UBE2V1: variants seen among roughly 807,000 people sequenced by gnomAD.
The protein encoded by UBE2V1 is ubiquitin-conjugating enzyme E2 variant 1.
Under a neutral mutation model 19.6 loss-of-function variants are expected in UBE2V1, and 15 were observed. The observed-to-expected ratio is 0.77, with a 90% CI of 0.51 to 1.18. The LOEUF (loss-of-function observed/expected upper bound fraction) is 1.18. UBE2V1 is among the 50% of genes most tolerant of loss of function. The pLI is 0.00. For missense variants in UBE2V1, 125 were observed against 184.8 expected, an observed-to-expected ratio of 0.68 and a Z score of 1.88; for synonymous variants, 60 against 60.7, an observed-to-expected ratio of 0.99 and a Z score of 0.05.
At chr20:50,109,865 AG>A (rs1348506827) in intron 1 of UBE2V1, among the ~76,000 whole-genome samples, 1 of 151,912 alleles carries the variant, frequency 6.6e-6, no homozygotes, top group African/African-American at 2.4e-5. Flanking sequence ...CTTTGAATGT[AG>A]GGCCCATGTT....
intron 1 of UBE2V1, among the ~76,000 whole-genome samples, chr20:50,106,215 T>C (rs948718555): frequency 6.6e-6 from 1 of 152,246 alleles, no homozygotes; most frequent in Non-Finnish European, 1.5e-5. Context: ...CAGAAGGCTT[T>C]TTCCTGGACC....
chr20:50,113,243 C>A, upstream of UBE2V1: 1 of 803,442 alleles, frequency 1.2e-6, no homozygotes, highest in Non-Finnish European at 1.7e-6. Flanking sequence ...ACGCCCGCCC[C>A]GGAGACCTGC....
intron 1 of UBE2V1, among the ~76,000 whole-genome samples, chr20:50,105,724 G>A (rs1453921489): frequency 6.6e-6 from 1 of 152,172 alleles, no homozygotes; most frequent in African/African-American, 2.4e-5. Context: ...CGAGGTGGGA[G>A]TTTGAGACCA....
chr20:50,107,516 G>A (rs1170780863), intron 1 of UBE2V1, among the ~76,000 whole-genome samples: 1 of 152,196 alleles, frequency 6.6e-6, no homozygotes, highest in African/African-American at 2.4e-5. Context: ...AATGAGTCAG[G>A]ACAACTGGAG....
At position 50,113,044 on chromosome 20, in the gene UBE2V1, G is replaced by A. The variant is rs113250745; in HGVS notation, c.22+63C>T. 19 of 728,206 alleles carry A rather than the reference G, an allele frequency of 2.6e-5. 1 individual carries two copies. Among genetic ancestry groups the A allele is most frequent in the African/African-American group, 2.0e-4 (11 of 54,418 alleles). The allele number at this position is 728,206 out of a possible 1,614,324, so 45.1% of individuals were successfully genotyped here. A position where few individuals can be genotyped will look rare whatever the true frequency, so the allele number is the denominator to read the frequency against. ...GGCTCCGCTGCAGGAGGCTTTGAGG[G>A]TCCCCGGCCCCCGGCCCAAGCCCAT... On this transcript the variant is annotated intron_variant, in intron 1 of 3. Transcript: ENST00000371674.
At chr20:50,104,051 A>G (rs2080183806) in intron 1 of UBE2V1, among the ~76,000 whole-genome samples, 1 of 151,686 alleles carries the variant, frequency 6.6e-6, no homozygotes. Flanking sequence ...TGGAAGGCTG[A>G]GACAGGCGGA....
chr20:50,104,873 C>A (rs1343988149), intron 1 of UBE2V1, among the ~76,000 whole-genome samples: 1 of 151,328 alleles, frequency 6.6e-6, no homozygotes, highest in East Asian at 2.0e-4. Context: ...ATTACAGGCA[C>A]GCGCCACGAC....
At chr20:50,115,069 A>C (rs904311078), upstream of UBE2V1, 1 of 155,734 alleles carries the variant, frequency 6.4e-6, no homozygotes, top group Non-Finnish European at 1.4e-5. Context: ...CAGTCTCAAA[A>C]AAAAAAAAAA....
rs368141343 is a variant in UBE2V1 at position 50,082,725 on chromosome 20, C to A, written c.*43G>T. 1.6e-5 allele frequency: 25 copies of A among 1,593,410 alleles called. No homozygotes were observed. The highest frequency in any genetic ancestry group is 2.0e-5 in the Non-Finnish European group (24 of 1,175,916). On this transcript the variant is annotated 3_prime_UTR_variant, in exon 4 of 4. Transcript: ENST00000371674. ...TGTGGAAAATGAAGACTGATTAAATCGAATTGGGGGGAAGGGGAAGGGCCT... is the reference window on the plus strand; with the variant it reads ...TGTGGAAAATGAAGACTGATTAAATAGAATTGGGGGGAAGGGGAAGGGCCT...
intron 1 of UBE2V1, among the ~76,000 whole-genome samples, chr20:50,106,865 CAACAACAACAA>C (rs1398435012): frequency 3.4e-5 from 3 of 88,432 alleles, no homozygotes; most frequent in East Asian, 3.0e-4. Flanking sequence ...ACAACAACAA[CAACAACAACAA>C]AAAAAAAAAA....
chr20:50,096,423 CCTCA>C, intron 2 of UBE2V1: 1 of 880,634 alleles, frequency 1.1e-6, no homozygotes, highest in South Asian at 1.6e-5. Flanking sequence ...TGACTTCACA[CCTCA>C]CTGTCTACAT....
At chr20:50,094,912 C>T (rs964472693) in intron 2 of UBE2V1, 3 of 152,196 alleles carry the variant, frequency 2.0e-5, no homozygotes, top group Non-Finnish European at 4.4e-5. Flanking sequence ...TGGAGGACTC[C>T]TGGCATACCG....
chr20:50,115,556 G>T, upstream of UBE2V1: 1 of 1,575,716 alleles, frequency 6.3e-7, no homozygotes, highest in Non-Finnish European at 8.7e-7. Context: ...CAGGTAAGAC[G>T]CTTGAACCTC....
intron 1 of UBE2V1, among the ~76,000 whole-genome samples, chr20:50,109,783 A>G (rs532393267): frequency 6.6e-6 from 1 of 150,846 alleles, no homozygotes; most frequent in Non-Finnish European, 1.5e-5. Context: ...GCACTAGCCC[A>G]ACAAAGCCAG....
At chr20:50,104,009 C>A (rs971258505) in intron 1 of UBE2V1, among the ~76,000 whole-genome samples, 1 of 151,516 alleles carries the variant, frequency 6.6e-6, no homozygotes, top group Non-Finnish European at 1.5e-5. Flanking sequence ...TCAGGCCAGG[C>A]GTGGTGGCTC....
chr20:50,089,131 G>A (rs899588516), intron 2 of UBE2V1, among the ~76,000 whole-genome samples: 2 of 152,140 alleles, frequency 1.3e-5, no homozygotes, highest in African/African-American at 4.8e-5. Context: ...TGTTCAAAGG[G>A]AATCTAAGCT....
chr20:50,115,151 A>T (rs768551018), upstream of UBE2V1: 75 of 215,582 alleles, frequency 3.5e-4, no homozygotes, highest in Non-Finnish European at 4.5e-5. Flanking sequence ...GACTTTCTGT[A>T]CCTCTGCGGC....
chr20:50,105,730 G>T (rs1040862137), intron 1 of UBE2V1, among the ~76,000 whole-genome samples: 8 of 152,160 alleles, frequency 5.3e-5, no homozygotes, highest in Admixed American at 2.0e-4. Context: ...GGGAGTTTGA[G>T]ACCAGCCTGG....
At chr20:50,101,731 C>T (rs1328099335) in intron 1 of UBE2V1, among the ~76,000 whole-genome samples, 1 of 152,108 alleles carries the variant, frequency 6.6e-6, no homozygotes, top group Non-Finnish European at 1.5e-5. Context: ...TTATCCAATA[C>T]CTATCCAGCA....
Sources: gnomAD v4.1 joint callset for allele counts (sites outside exome capture counted in the v4.1 genomes callset) on GRCh38, gnomAD v4.1.1 for gene constraint, MANE v1.5 for transcripts, NCBI Gene and HGNC (gene_info 2026-07-23, HGNC 2026-07-21) for gene names.